PREX1: variants seen among roughly 807,000 people sequenced by gnomAD.
PREX1 encodes phosphatidylinositol-3,4,5-trisphosphate dependent Rac exchange factor 1.
A neutral mutation model predicts 198.3 loss-of-function variants in PREX1; 41 were observed. The ratio of observed to expected loss-of-function variants is 0.21; its 90% CI spans 0.16 to 0.27. The LOEUF (loss-of-function observed/expected upper bound fraction) is 0.27. Ranked by LOEUF, PREX1 falls within the 10% of genes least tolerant of loss-of-function variation. PREX1 has a pLI of 1.00. For missense variants in PREX1, 1,620 were observed against 2,200.7 expected, an observed-to-expected ratio of 0.74 and a Z score of 5.28; for synonymous variants, 843 against 887.2, an observed-to-expected ratio of 0.95 and a Z score of 0.89.
intron 1 of PREX1, among the ~76,000 whole-genome samples, chr20:48,787,444 A>G (rs1444319097): frequency 6.6e-6 from 1 of 152,146 alleles, no homozygotes; most frequent in Non-Finnish European, 1.5e-5. Context: ...TTGAAGGAAC[A>G]GCGAATGCCC....
chr20:48,656,593 C>T (rs2089545371), intron 18 of PREX1: 1 of 455,670 alleles, frequency 2.2e-6, no homozygotes, highest in Non-Finnish European at 4.4e-6. Flanking sequence ...CAGAAATCCC[C>T]TTGACTCCCC....
At chr20:48,642,691 C>A in intron 27 of PREX1, 2 of 543,194 alleles carry the variant, frequency 3.7e-6, no homozygotes, top group Non-Finnish European at 6.5e-6. Flanking sequence ...GCAAAATGGA[C>A]AACAGGCACT....
intron 1 of PREX1, among the ~76,000 whole-genome samples, chr20:48,822,901 A>G (rs1036258800): frequency 9.2e-5 from 14 of 152,268 alleles, no homozygotes; most frequent in Non-Finnish European, 1.8e-4. Flanking sequence ...CTCTGCCTCA[A>G]TGACTGTGAA....
At position 48,662,023 on chromosome 20, in the gene PREX1, G is replaced by A. The variant is rs576534391; in HGVS notation, c.1739-1962C>T. On this transcript the variant is annotated intron_variant, in intron 15 of 39. Coordinates refer to ENST00000371941, the MANE Select transcript of PREX1 (RefSeq NM_020820.4). ...GACATCCCCCTCGTCCCTGAAGACA[G>A]AGGCTTTTTCTGGATGTGGTGACTC... 3.0e-4 allele frequency among the ~76,000 whole-genome samples: 45 copies of A among 152,334 alleles called. 1 individual carries two copies. The South Asian group carries it at 9.1e-3, about 31-fold the overall frequency.
At chr20:48,887,919 C>A in the PREX1 span, among the ~76,000 whole-genome samples, 1 of 151,978 alleles carries the variant, frequency 6.6e-6, no homozygotes, top group African/African-American at 2.4e-5. Flanking sequence ...CGCCGCACTC[C>A]AGCCTGGGCG....
chr20:48,651,255 G>A lies in PREX1; in HGVS notation c.2655+141C>T, dbSNP rs1339053629. 4 of 1,342,292 alleles carry A rather than the reference G, an allele frequency of 3.0e-6. No individual in the cohort carries two copies. The African/African-American group carries it at 4.4e-5, about 15-fold the overall frequency. 83.1% of individuals were successfully genotyped at this position (1,342,292 alleles called of 1,614,324 possible). On this transcript the variant is annotated intron_variant, in intron 22 of 39. Coordinates refer to ENST00000371941, the MANE Select transcript of PREX1 (RefSeq NM_020820.4). ...CCCACGCTACCTAGTGGTGGGACAAGGACCAGAATTCAGGACTCCAGGCTA... is the reference window on the plus strand; with the variant it reads ...CCCACGCTACCTAGTGGTGGGACAAAGACCAGAATTCAGGACTCCAGGCTA...
At chr20:48,752,999 G>A (rs2090140630) in intron 1 of PREX1, among the ~76,000 whole-genome samples, 1 of 152,120 alleles carries the variant, frequency 6.6e-6, no homozygotes, top group Non-Finnish European at 1.5e-5. Context: ...GTTCCTCTAG[G>A]TGATGCACAT....
intron 5 of PREX1, among the ~76,000 whole-genome samples, chr20:48,723,674 C>T (rs1293551831): frequency 1.3e-5 from 2 of 152,204 alleles, no homozygotes; most frequent in African/African-American, 4.8e-5. Context: ...CACCCCATCG[C>T]TTTTCCTGCG....
intron 1 of PREX1, among the ~76,000 whole-genome samples, chr20:48,794,991 T>C (rs1019799653): frequency 2.0e-5 from 3 of 152,194 alleles, no homozygotes; most frequent in Admixed American, 2.0e-4. Flanking sequence ...TCAACTATTA[T>C]TGCAAAATGT....
intron 1 of PREX1, among the ~76,000 whole-genome samples, chr20:48,801,892 G>A (rs2090388925): frequency 6.6e-6 from 1 of 152,108 alleles, no homozygotes; most frequent in African/African-American, 2.4e-5. Flanking sequence ...CCAAGAGTGG[G>A]TTGTTATAAA....
intron 14 of PREX1, among the ~76,000 whole-genome samples, chr20:48,668,741 G>A (rs2089656252): frequency 1.3e-5 from 2 of 152,316 alleles, no homozygotes; most frequent in South Asian, 4.1e-4. Context: ...CCAGTAGCTG[G>A]AGGGCCTGCG....
At chr20:48,634,874 T>C (rs897848381) in intron 32 of PREX1, 99 bp from the exon 33 acceptor site, 7 of 1,012,340 alleles carry the variant, frequency 6.9e-6, no homozygotes, top group Non-Finnish European at 1.1e-5. Flanking sequence ...CACTCCACAC[T>C]GTGGGCCCCC....
intron 5 of PREX1, among the ~76,000 whole-genome samples, chr20:48,725,184 G>A (rs371725593): frequency 4.6e-5 from 7 of 152,206 alleles, no homozygotes; most frequent in Non-Finnish European, 1.0e-4. Context: ...TCCAGTTCAT[G>A]GAGCAAAAAT....
the PREX1 span, among the ~76,000 whole-genome samples, chr20:48,873,381 C>A: frequency 1.3e-5 from 2 of 152,052 alleles, no homozygotes; most frequent in African/African-American, 4.8e-5. Flanking sequence ...TAATCTACAG[C>A]AACAAGTAAT....
rs777153961 is a variant in PREX1 at position 48,652,639 on chromosome 20, G to A, written c.2414C>T (p.Ser805Phe). The change falls in exon 21 of 40, where the codon TCC (serine) becomes TTC (phenylalanine). Residue 805 changes from serine to phenylalanine, a missense_variant. Physicochemically the swap from Ser to Phe is radical, Grantham distance 155 (BLOSUM62 -2). Around this residue, in one of 7 missense-constraint regions of PREX1, gnomAD observed 514 missense variants for 611.6 expected, o/e 0.84. Coordinates refer to ENST00000371941, the MANE Select transcript of PREX1 (RefSeq NM_020820.4). ...AQEARASQEA[S>F]TEDPSGEQAQ... ...CTGCTCGCCACTGGGGTCCTCAGTGGAGGCCTCCTGACTGGCTCGTGCTTC... is the reference window on the plus strand; with the variant it reads ...CTGCTCGCCACTGGGGTCCTCAGTGAAGGCCTCCTGACTGGCTCGTGCTTC... 4 of 1,613,718 alleles carry A rather than the reference G, an allele frequency of 2.5e-6. No individual in the cohort carries two copies. The highest frequency in any genetic ancestry group is 1.1e-5 in the South Asian group (1 of 91,022).
chr20:48,792,169 A>G (rs1046197258), intron 1 of PREX1, among the ~76,000 whole-genome samples: 1 of 152,202 alleles, frequency 6.6e-6, no homozygotes. Flanking sequence ...GGCTTGAGGC[A>G]TTGTTTTATA....
chr20:48,818,157 G>A (rs373000752), intron 1 of PREX1, among the ~76,000 whole-genome samples: 4 of 152,318 alleles, frequency 2.6e-5, no homozygotes, highest in East Asian at 3.9e-4. Context: ...AGGCAGGTGC[G>A]TGCTTGGTGC....
intron 1 of PREX1, among the ~76,000 whole-genome samples, chr20:48,762,820 A>G (rs2090188730): frequency 6.6e-6 from 1 of 151,450 alleles, no homozygotes; most frequent in East Asian, 1.9e-4. Context: ...CTTCTGCCTC[A>G]ACCTCCCAAG....
chr20:48,720,981 C>T (rs1477775785), intron 5 of PREX1, among the ~76,000 whole-genome samples: 6 of 152,210 alleles, frequency 3.9e-5, no homozygotes, highest in African/African-American at 1.2e-4. Flanking sequence ...GGATGCAACC[C>T]CACTAGAGCA....
Sources: gnomAD v4.1 joint callset for allele counts (sites outside exome capture counted in the v4.1 genomes callset) on GRCh38, gnomAD v4.1.1 for gene constraint, gnomAD v4.1.1 regional missense constraint, MANE v1.5 for transcripts, NCBI Gene and HGNC (gene_info 2026-07-23, HGNC 2026-07-21) for gene names.